Variants in LIMK1 observed in about 807,000 individuals in gnomAD.
LIMK1 encodes LIM domain kinase 1, also known as LIM motif-containing protein kinase.
Under a neutral mutation model 77.6 loss-of-function variants are expected in LIMK1, and 21 were observed. The observed-to-expected ratio is 0.27, with a 90% CI of 0.19 to 0.39. The LOEUF (loss-of-function observed/expected upper bound fraction) is 0.39. Among genes scored for constraint, LIMK1 ranks in the 10% least tolerant of loss-of-function variants. The probability of loss-of-function intolerance (pLI) is 1.00; values close to 1 mark genes in which losing one functional copy is unlikely to be tolerated. For missense variants in LIMK1, 696 were observed against 901.6 expected, an observed-to-expected ratio of 0.77 and a Z score of 2.92; for synonymous variants, 358 against 370.0, an observed-to-expected ratio of 0.97 and a Z score of 0.37.
intron 2 of LIMK1, among the ~76,000 whole-genome samples, chr7:74,089,292 T>C (rs1475614491): frequency 6.6e-6 from 1 of 152,024 alleles, no homozygotes; most frequent in Non-Finnish European, 1.5e-5. Flanking sequence ...GTGGATCTCT[T>C]GAGCCCAGGA....
intron 2 of LIMK1, among the ~76,000 whole-genome samples, chr7:74,086,788 C>T (rs1004501702): frequency 3.3e-5 from 5 of 152,122 alleles, no homozygotes; most frequent in Non-Finnish European, 7.3e-5. Context: ...GAAGGAATGT[C>T]CCTCCTGCCT....
chr7:74,112,819 C>T (rs185085546), intron 12 of LIMK1, among the ~76,000 whole-genome samples: 1 of 149,770 alleles, frequency 6.7e-6, no homozygotes, highest in Admixed American at 6.6e-5. Context: ...AGCGAGACTC[C>T]ATCTCAAAAA....
chr7:74,118,933 G>A (rs992110645), intron 13 of LIMK1, among the ~76,000 whole-genome samples: 3 of 152,140 alleles, frequency 2.0e-5, no homozygotes, highest in Admixed American at 1.3e-4. Context: ...GTCTTGCTCT[G>A]TCATCCAGGC....
chr7:74,114,385 T>C (rs892596807), intron 12 of LIMK1, among the ~76,000 whole-genome samples: 10 of 151,532 alleles, frequency 6.6e-5, no homozygotes, highest in Admixed American at 2.0e-4. Context: ...AATTTGTCTC[T>C]ACAAAAAAAT....
At chr7:74,105,572 C>G (rs1488802409) in intron 5 of LIMK1, among the ~76,000 whole-genome samples, 1 of 151,650 alleles carries the variant, frequency 6.6e-6, no homozygotes, top group Non-Finnish European at 1.5e-5. Context: ...AAGGATAGAT[C>G]TGTTCCCCCA....
chr7:74,108,427 C>G (rs1799626686), intron 9 of LIMK1, among the ~76,000 whole-genome samples: 1 of 152,088 alleles, frequency 6.6e-6, no homozygotes, highest in Non-Finnish European at 1.5e-5. Context: ...GGCGGATCAC[C>G]TGAGGTCAGG....
chr7:74,102,010 G>C (rs1799468030), intron 5 of LIMK1, among the ~76,000 whole-genome samples: 1 of 152,050 alleles, frequency 6.6e-6, no homozygotes, highest in Non-Finnish European at 1.5e-5. Flanking sequence ...TTTTTGTAGA[G>C]ACTGAGTCTT....
chr7:74,092,181 G>C (rs781896654), intron 2 of LIMK1, among the ~76,000 whole-genome samples: 1 of 151,924 alleles, frequency 6.6e-6, no homozygotes, highest in Non-Finnish European at 1.5e-5. Context: ...AGCCAGGCTG[G>C]CCTCAAACTC....
intron 8 of LIMK1, 147 bp from the exon 9 acceptor site, chr7:74,107,724 T>G (rs1799606886): frequency 1.6e-6 from 1 of 613,434 alleles, no homozygotes; most frequent in Admixed American, 2.8e-5. Context: ...TCCCATCCAC[T>G]TGGGTATTTG....
At chr7:74,105,359 A>G (rs1166726989) in intron 5 of LIMK1, among the ~76,000 whole-genome samples, 1 of 152,086 alleles carries the variant, frequency 6.6e-6, no homozygotes, top group Non-Finnish European at 1.5e-5. Flanking sequence ...AAAATACAAA[A>G]AAAATTAGCT....
intron 3 of LIMK1, 130 bp downstream of exon 3, chr7:74,096,890 CCTGA>C: frequency 2.4e-6 from 3 of 1,249,748 alleles, no homozygotes; most frequent in Non-Finnish European, 3.3e-6. Context: ...GCTTTCTGAG[CCTGA>C]CTGTCTGTCT....
intron 2 of LIMK1, among the ~76,000 whole-genome samples, chr7:74,094,538 C>T (rs1554695269): frequency 6.6e-6 from 1 of 152,156 alleles, no homozygotes; most frequent in Non-Finnish European, 1.5e-5. Flanking sequence ...CCCCTGTGAC[C>T]GAGGTCATGT....
intron 12 of LIMK1, among the ~76,000 whole-genome samples, chr7:74,112,978 C>T (rs374793416): frequency 1.8e-4 from 28 of 152,026 alleles, no homozygotes; most frequent in African/African-American, 6.3e-4. Context: ...GTGGTGTATT[C>T]GTGTCCTGGG....
intron 8 of LIMK1, among the ~76,000 whole-genome samples, 159 bp from the exon 9 acceptor site, chr7:74,107,712 C>T (rs1799606518): frequency 6.7e-6 from 1 of 150,374 alleles, no homozygotes; most frequent in Non-Finnish European, 1.5e-5. Context: ...GGGATTAATA[C>T]ATCCCATCCA....
At chr7:74,114,614 G>A (rs948397344) in intron 12 of LIMK1, among the ~76,000 whole-genome samples, 7 of 150,890 alleles carry the variant, frequency 4.6e-5, no homozygotes, top group Admixed American at 2.0e-4. Context: ...TGCTTATTGG[G>A]AATATTCAAG....
At chr7:74,118,686 G>A (rs1799871187) in intron 13 of LIMK1, among the ~76,000 whole-genome samples, 1 of 151,956 alleles carries the variant, frequency 6.6e-6, no homozygotes, top group Non-Finnish European at 1.5e-5. Flanking sequence ...GGAGGCAGAG[G>A]CAGGAGAGTT....
chr7:74,093,644 C>T (rs1185012515), intron 2 of LIMK1, among the ~76,000 whole-genome samples: 2 of 152,216 alleles, frequency 1.3e-5, no homozygotes, highest in African/African-American at 4.8e-5. Flanking sequence ...CTTTCATGCC[C>T]TCCGGGTGCC....
intron 13 of LIMK1, 63 bp downstream of exon 13, chr7:74,116,021 C>T: frequency 6.5e-7 from 1 of 1,542,082 alleles, no homozygotes; most frequent in Non-Finnish European, 8.9e-7. Flanking sequence ...CCCAGGAGAG[C>T]TGTAACCTCC....
At chr7:74,094,205 C>T (rs1306566537) in intron 2 of LIMK1, 1 of 152,394 alleles carries the variant, frequency 6.6e-6, no homozygotes, top group African/African-American at 2.4e-5. Flanking sequence ...GGTGGGCAGA[C>T]CTAGTGTCTG....
Sources: gnomAD v4.1 joint callset for allele counts (sites outside exome capture counted in the v4.1 genomes callset) on GRCh38, gnomAD v4.1.1 for gene constraint, MANE v1.5 for transcripts, NCBI Gene and HGNC (gene_info 2026-07-23, HGNC 2026-07-21) for gene names.